Variants in CRIPT observed in about 807,000 individuals in gnomAD.
The protein encoded by CRIPT is cysteine-rich PDZ-binding protein.
In CRIPT, 20 loss-of-function variants were observed where a neutral mutation model predicts 16.6. The ratio of observed to expected loss-of-function variants is 1.20; its 90% CI spans 0.85 to 1.75. The LOEUF (loss-of-function observed/expected upper bound fraction) is 1.75. Ranked by LOEUF, CRIPT falls within the 40% of genes most tolerant of loss-of-function variation. The probability of loss-of-function intolerance (pLI) is 0.00; values close to 1 mark genes in which losing one functional copy is unlikely to be tolerated. For missense variants in CRIPT, 133 were observed against 115.3 expected, an observed-to-expected ratio of 1.15 and a Z score of -0.70; for synonymous variants, 42 against 37.0, an observed-to-expected ratio of 1.14 and a Z score of -0.49.
rs574227348 is a variant in CRIPT, at chr2:46,617,252, G to GT, written c.-29dup. The GT allele has an allele frequency of 1.8e-3, 2,809 of 1,553,792 alleles. 8 individuals are homozygous for GT. The highest frequency in any genetic ancestry group is 2.2e-3 in the Non-Finnish European group (2,525 of 1,147,790). Reference sequence around the variant, plus strand: ...TTTTCAGCCTGCTGCTGCTGCTGCTGTTGCGGCTAGGGGAACCGTCGTGGG... The same window carrying GT: ...TTTTCAGCCTGCTGCTGCTGCTGCTGTTTGCGGCTAGGGGAACCGTCGTGGG... On this transcript the variant is annotated 5_prime_UTR_variant, in exon 1 of 5. Transcript: ENST00000238892.
At position 46,625,800 on chromosome 2, in the gene CRIPT, CAT is replaced by C. The variant is rs1670924233; in HGVS notation, c.*1575_*1576del. On this transcript the variant is annotated 3_prime_UTR_variant, in exon 5 of 5. Transcript: ENST00000238892. ...GTTTTTAATTATAACACAGGAAACT[CAT>C]AACAGGACCTGGTCAGAGAGCATCC... 1.3e-5 allele frequency: 2 copies of C among 152,192 alleles called. No individual in the cohort carries two copies. Among genetic ancestry groups the C allele is most frequent in the African/African-American group, 4.8e-5 (2 of 41,510 alleles). The allele number at this position is 152,192 out of a possible 1,614,324, so 9.4% of individuals were successfully genotyped here.
At chr2:46,620,871 T>C (rs1670785663) in intron 3 of CRIPT, among the ~76,000 whole-genome samples, 1 of 151,978 alleles carries the variant, frequency 6.6e-6, no homozygotes, top group African/African-American at 2.4e-5. Context: ...CTTCTCATCA[T>C]AGTAGCACCA....
At chr2:46,617,640 T>G (rs571537166) in intron 1 of CRIPT, among the ~76,000 whole-genome samples, 2 of 152,288 alleles carry the variant, frequency 1.3e-5, no homozygotes, top group Non-Finnish European at 2.9e-5. Flanking sequence ...TTTCTATTCA[T>G]GTAAGAAGTA....
Position 46,628,288 on chromosome 2 carries a change from T to C in CRIPT, c.*4061T>C, listed in dbSNP as rs891223139. Among the ~76,000 whole-genome samples the C allele has an allele frequency of 1.3e-5, 2 of 151,966 alleles. No individual in the cohort carries two copies. The highest frequency in any genetic ancestry group is 4.8e-5 in the African/African-American group (2 of 41,354). On this transcript the variant is annotated 3_prime_UTR_variant, in exon 5 of 5. Coordinates refer to ENST00000238892, the MANE Select transcript of CRIPT (RefSeq NM_014171.6). Reference sequence around the variant, plus strand: ...AACCATGCCCAGCTAATTTATGTAATTTTAGTAGAGATGGGGTTTCATCAT... The same window carrying C: ...AACCATGCCCAGCTAATTTATGTAACTTTAGTAGAGATGGGGTTTCATCAT...
intron 2 of CRIPT, 56 bp downstream of exon 2, chr2:46,618,894 C>T (rs146957186): frequency 9.4e-7 from 1 of 1,059,262 alleles, no homozygotes; most frequent in Non-Finnish European, 1.4e-6. Flanking sequence ...TGAATAATAC[C>T]TTAGTTTTTA....
At chr2:46,617,584 TA>T (rs1670696075) in intron 1 of CRIPT, among the ~76,000 whole-genome samples, 1 of 152,186 alleles carries the variant, frequency 6.6e-6, no homozygotes, top group Non-Finnish European at 1.5e-5. Flanking sequence ...AATGTGCAGT[TA>T]AACCCCAACG....
At position 46,625,375 on chromosome 2, in the gene CRIPT, CTTTTTTTTTTTTTTTTT is replaced by C. The variant is rs143660848; in HGVS notation, c.*1160_*1176del. On this transcript the variant is annotated 3_prime_UTR_variant, in exon 5 of 5. Coordinates refer to ENST00000238892, the MANE Select transcript of CRIPT (RefSeq NM_014171.6). ...GTGAGCCACAGAACTTGGCCTCTCT[CTTTTTTTTTTTTTTTTT>C]TTTTTTTTTTTAACACTACAGGTTT... is the stretch of plus-strand genomic sequence containing the variant. 2.6e-5 allele frequency: 2 copies of C among 75,988 alleles called. No homozygotes were observed. The highest frequency in any genetic ancestry group is 6.0e-5 in the African/African-American group (1 of 16,788). 4.7% of individuals were successfully genotyped at this position (75,988 alleles called of 1,614,324 possible). A position where few individuals can be genotyped will look rare whatever the true frequency, so the allele number is the denominator to read the frequency against.
rs1558720289 is a variant in CRIPT at position 46,625,992 on chromosome 2, T to A, written c.*1765T>A. On this transcript the variant is annotated 3_prime_UTR_variant, in exon 5 of 5. Coordinates refer to ENST00000238892, the MANE Select transcript of CRIPT (RefSeq NM_014171.6). ...ATGTAGGGGTACATGTGCAGGTGAG[T>A]TATATGGGTATATTTTGTGATGCTG... is the stretch of plus-strand genomic sequence containing the variant. Among the ~76,000 whole-genome samples, 1 of 152,152 alleles carries A rather than the reference T, an allele frequency of 6.6e-6. No individual in the cohort carries two copies. Among genetic ancestry groups the A allele is most frequent in the Non-Finnish European group, 1.5e-5 (1 of 68,032 alleles).
chr2:46,618,583 T>G (rs1670726115), intron 1 of CRIPT, among the ~76,000 whole-genome samples, 190 bp from the exon 2 acceptor site: 1 of 152,236 alleles, frequency 6.6e-6, no homozygotes, highest in African/African-American at 2.4e-5. Context: ...ATCCTACGCA[T>G]TTTACTGAGG....
rs962191682 is a variant in CRIPT, at chr2:46,629,963, T to C, written c.*5736T>C. On this transcript the variant is annotated 3_prime_UTR_variant, in exon 5 of 5. Coordinates refer to ENST00000238892, the MANE Select transcript of CRIPT (RefSeq NM_014171.6). ...TCTAACTCTATTATTATTTCTGTAT[T>C]AATTAGTCATCATTCTACTGTAAGG... Among the ~76,000 whole-genome samples the C allele has an allele frequency of 6.6e-5, 10 of 152,214 alleles. No homozygotes were observed. Among genetic ancestry groups the C allele is most frequent in the Non-Finnish European group, 1.0e-4 (7 of 68,030 alleles).
rs963744648 is a variant in CRIPT, at chr2:46,626,104, C to T, written c.*1877C>T. Among the ~76,000 whole-genome samples, 3 of 152,128 alleles carry T rather than the reference C, an allele frequency of 2.0e-5. No homozygotes were observed. Among genetic ancestry groups the T allele is most frequent in the African/African-American group, 7.2e-5 (3 of 41,420 alleles). On this transcript the variant is annotated 3_prime_UTR_variant, in exon 5 of 5. Transcript: ENST00000238892. The stretch of plus-strand genomic sequence containing the variant: ...TTTCACCCCTTCCCTCCCCTCTTCC[C>T]TCCAGTAGTCCCCTATGTCTGTTCT...
In CRIPT at chr2:46,629,318, A is replaced by G. The variant is rs62136870; in HGVS notation, c.*5091A>G. On this transcript the variant is annotated 3_prime_UTR_variant, in exon 5 of 5. Coordinates refer to ENST00000238892, the MANE Select transcript of CRIPT (RefSeq NM_014171.6). ...GACATCATACTCTTTACCCTTTAAC[A>G]CTACACATGCACTTCATAAGAACAA... 0.019 allele frequency among the ~76,000 whole-genome samples: 2,955 copies of G among 152,272 alleles called. 40 individuals are homozygous for G. Among genetic ancestry groups the G allele is most frequent in the Non-Finnish European group, 0.027 (1,841 of 68,016 alleles).
rs1670937709 is a variant in CRIPT at position 46,626,285 on chromosome 2, G to A, written c.*2058G>A. On this transcript the variant is annotated 3_prime_UTR_variant, in exon 5 of 5. Transcript: ENST00000238892. ...ATGATTTTCATTCTTTTTTATGGCT[G>A]CATAGTATTCTGTGGTGTATATGTA... Among the ~76,000 whole-genome samples, 1 of 152,128 alleles carries A rather than the reference G, an allele frequency of 6.6e-6. No homozygotes were observed. Among genetic ancestry groups the A allele is most frequent in the East Asian group, 1.9e-4 (1 of 5,202 alleles).
At chr2:46,620,974 G>T (rs1181460627) in intron 3 of CRIPT, among the ~76,000 whole-genome samples, 1 of 151,706 alleles carries the variant, frequency 6.6e-6, no homozygotes, top group Non-Finnish European at 1.5e-5. Flanking sequence ...AAGTTCTTTG[G>T]ATCTACCTCC....
Position 46,619,614 on chromosome 2 carries a change from TATTCTG to T in CRIPT, c.83-10_83-5del, listed in dbSNP as rs749687525. The T allele has an allele frequency of 6.3e-7, 1 of 1,595,294 alleles. No individual in the cohort carries two copies. The highest frequency in any genetic ancestry group is 8.6e-7 in the Non-Finnish European group (1 of 1,166,436). Reference sequence around the variant, plus strand: ...AGAAATAACCCACTAAAATATCTTTTATTCTGATACAGAAAGTGGTGGAAGAAAGCT... The same window carrying T: ...AGAAATAACCCACTAAAATATCTTTTATACAGAAAGTGGTGGAAGAAAGCT... On this transcript the variant is annotated splice_polypyrimidine_tract_variant and splice_region_variant and intron_variant, in intron 2 of 4. Coordinates refer to ENST00000238892, the MANE Select transcript of CRIPT (RefSeq NM_014171.6).
rs1670869640 is a variant in CRIPT at position 46,623,825 on chromosome 2, C to G, written c.199C>G (p.Gln67Glu). The G allele has an allele frequency of 1.2e-6, 2 of 1,610,368 alleles. No individual in the cohort carries two copies. The highest frequency in any genetic ancestry group is 2.7e-5 in the African/African-American group (2 of 74,718). Residue 67 changes from glutamine to glutamate, a missense_variant, in exon 4 of 5, where the codon CAA becomes GAA. Gln to Glu is a conservative substitution (Grantham distance 29, BLOSUM62 2). Coordinates refer to ENST00000238892, the MANE Select transcript of CRIPT (RefSeq NM_014171.6). The stretch of plus-strand genomic sequence containing the variant: ...TAGAATTTGTAAAAGTTCTGTGCAC[C>G]AACCAGGTTCTCATTACTGCCAGGG... ...TCRICKSSVH[Q>E]PGSHYCQGCA...
chr2:46,622,766 T>C (rs1473512586), intron 3 of CRIPT, among the ~76,000 whole-genome samples: 1 of 151,984 alleles, frequency 6.6e-6, no homozygotes, highest in Non-Finnish European at 1.5e-5. Flanking sequence ...TAAGCCAAGA[T>C]TGCGCCATTG....
In CRIPT at chr2:46,627,948, A is replaced by G. The variant is rs1388093359; in HGVS notation, c.*3721A>G. Among the ~76,000 whole-genome samples the G allele has an allele frequency of 6.6e-6, 1 of 151,920 alleles. No homozygotes were observed. Among genetic ancestry groups the G allele is most frequent in the Non-Finnish European group, 1.5e-5 (1 of 67,974 alleles). ...GTGTAGCTTTATTTCTGTCTGTTCC[A>G]TTCCATTGGTCTATGGGTCTGTTTT... is the stretch of plus-strand genomic sequence containing the variant. On this transcript the variant is annotated 3_prime_UTR_variant, in exon 5 of 5. Transcript: ENST00000238892.
In CRIPT at chr2:46,625,608, T is replaced by A. The variant is rs1017035667; in HGVS notation, c.*1381T>A. The A allele has an allele frequency of 3.3e-5, 5 of 152,118 alleles. No individual in the cohort carries two copies. Among genetic ancestry groups the A allele is most frequent in the Non-Finnish European group, 7.3e-5 (5 of 68,028 alleles). 9.4% of individuals were successfully genotyped at this position (152,118 alleles called of 1,614,324 possible). On this transcript the variant is annotated 3_prime_UTR_variant, in exon 5 of 5. Coordinates refer to ENST00000238892, the MANE Select transcript of CRIPT (RefSeq NM_014171.6). ...GGCATTTTTATTGGTCATAACATTT[T>A]GATGAAAAGCATTTAAAGTTTTAAC...
Sources: allele counts gnomAD v4.1 joint callset (sites outside exome capture counted in the v4.1 genomes callset), GRCh38; gene constraint gnomAD v4.1.1; transcripts MANE v1.5; gene names NCBI Gene and HGNC (gene_info 2026-07-23, HGNC 2026-07-21).